The following GPC5 variants were observed in gnomAD, a reference collection of about 807,000 sequenced individuals.
GPC5 encodes the protein glypican 5, also known as glypican-5.
GPC5 carries 47 observed loss-of-function variants against 53.9 expected under a neutral mutation model. That is an observed-to-expected ratio of 0.87 (90% CI 0.69 to 1.11). GPC5 has a LOEUF of 1.11. Ranked by LOEUF, GPC5 falls within the 50% of genes most tolerant of loss-of-function variation. GPC5 has a pLI of 0.00. For missense variants in GPC5, 748 were observed against 713.1 expected, an observed-to-expected ratio of 1.05 and a Z score of -0.56; for synonymous variants, 286 against 263.3, an observed-to-expected ratio of 1.09 and a Z score of -0.84.
At chr13:92,502,230 G>A (rs756688036) in intron 7 of GPC5, among the ~76,000 whole-genome samples, 1 of 152,006 alleles carries the variant, frequency 6.6e-6, no homozygotes, top group African/African-American at 2.4e-5. Flanking sequence ...AGATACAGCT[G>A]AATGTGCAGT....
intron 1 of GPC5, among the ~76,000 whole-genome samples, chr13:91,417,797 G>T (rs1344367578): frequency 2.0e-5 from 3 of 152,148 alleles, no homozygotes; most frequent in Non-Finnish European, 2.9e-5. Context: ...TCATAGGCAT[G>T]TGTACACAAA....
rs575034190 is a variant in GPC5 at position 91,886,047 on chromosome 13, C to T, written c.1281-21890C>T. On this transcript the variant is annotated intron_variant, in intron 5 of 7. Coordinates refer to ENST00000377067, the MANE Select transcript of GPC5 (RefSeq NM_004466.6). ...TACCCCAAACCAGGGTTTGAGATTG[C>T]GTTAGTCTATTTTCATACTGCTATA... 1.7e-3 allele frequency among the ~76,000 whole-genome samples: 262 copies of T among 151,990 alleles called. 2 individuals carry two copies. Among genetic ancestry groups the T allele is most frequent in the African/African-American group, 5.9e-3 (245 of 41,452 alleles).
chr13:92,433,800 AAG>A (rs1381465474), intron 7 of GPC5, among the ~76,000 whole-genome samples: 1 of 152,108 alleles, frequency 6.6e-6, no homozygotes, highest in East Asian at 1.9e-4. Flanking sequence ...AAGTAAGAGA[AAG>A]AAATGGTTTG....
At chr13:92,438,048 A>G (rs1052961129) in intron 7 of GPC5, among the ~76,000 whole-genome samples, 1 of 152,082 alleles carries the variant, frequency 6.6e-6, no homozygotes, top group Non-Finnish European at 1.5e-5. Context: ...CAACATGCTC[A>G]TATCTTCAAC....
intron 2 of GPC5, among the ~76,000 whole-genome samples, chr13:91,597,350 T>G (rs920371083): frequency 2.6e-5 from 4 of 152,210 alleles, no homozygotes; most frequent in Admixed American, 2.6e-4. Context: ...ATTAACTACC[T>G]TTCCAGCATC....
intron 7 of GPC5, among the ~76,000 whole-genome samples, chr13:92,221,195 A>C (rs890212355): frequency 6.6e-6 from 1 of 152,186 alleles, no homozygotes; most frequent in African/African-American, 2.4e-5. Context: ...ACAATTGGGA[A>C]ATAATTAATT....
intron 7 of GPC5, among the ~76,000 whole-genome samples, chr13:92,615,990 C>A (rs941739950): frequency 6.6e-6 from 1 of 152,026 alleles, no homozygotes. Context: ...GGAGGCAGAG[C>A]TGGCAGTGAG....
intron 7 of GPC5, among the ~76,000 whole-genome samples, chr13:92,364,979 T>C (rs902306335): frequency 1.3e-5 from 2 of 151,744 alleles, no homozygotes; most frequent in Non-Finnish European, 2.9e-5. Context: ...CCTTAAACTC[T>C]TTTCCTCTGT....
intron 7 of GPC5, among the ~76,000 whole-genome samples, chr13:92,649,515 C>T (rs1885886583): frequency 6.6e-6 from 1 of 152,064 alleles, no homozygotes; most frequent in Non-Finnish European, 1.5e-5. Flanking sequence ...TGGTATGACA[C>T]TCATTGTTTA....
intron 7 of GPC5, among the ~76,000 whole-genome samples, chr13:92,165,456 G>C (rs150570248): frequency 0.038 from 5,836 of 152,192 alleles, 249 homozygotes; most frequent in African/African-American, 0.098. Flanking sequence ...ACATGGCTGG[G>C]GAGGCCTCAG....
At chr13:92,643,938 A>G (rs1422147234) in intron 7 of GPC5, among the ~76,000 whole-genome samples, 2 of 152,258 alleles carry the variant, frequency 1.3e-5, no homozygotes, top group African/African-American at 4.8e-5. Context: ...AACACTAAGG[A>G]AAATGCTGTG....
chr13:92,328,460 T>G (rs2139232510), intron 7 of GPC5, among the ~76,000 whole-genome samples: 1 of 152,200 alleles, frequency 6.6e-6, no homozygotes, highest in South Asian at 2.1e-4. Flanking sequence ...ACAGGAATAT[T>G]AGGAAAAGTA....
At chr13:92,615,847 G>A (rs1375895889) in intron 7 of GPC5, among the ~76,000 whole-genome samples, 2 of 152,102 alleles carry the variant, frequency 1.3e-5, no homozygotes, top group African/African-American at 4.8e-5. Context: ...GAGGTCAGGA[G>A]ATCGAGACCA....
intron 7 of GPC5, among the ~76,000 whole-genome samples, chr13:92,695,229 A>G (rs1297113388): frequency 2.6e-5 from 4 of 152,160 alleles, no homozygotes; most frequent in African/African-American, 9.7e-5. Context: ...TCTTCTTTTG[A>G]TAACTGTTTG....
At chr13:91,749,528 T>C (rs544545877) in intron 4 of GPC5, among the ~76,000 whole-genome samples, 1 of 152,346 alleles carries the variant, frequency 6.6e-6, no homozygotes, top group Non-Finnish European at 1.5e-5. Flanking sequence ...TATTTTCCTT[T>C]GGGTAAATAC....
chr13:91,903,031 C>CT (rs3029748), intron 5 of GPC5, among the ~76,000 whole-genome samples: 28,610 of 148,034 alleles, frequency 0.19, 4,747 homozygotes, highest in African/African-American at 0.46. Context: ...CAGCTCAGTA[C>CT]TTTTTTTTTT....
chr13:91,832,300 C>CTTTTTTTTT (rs55698516), intron 5 of GPC5, among the ~76,000 whole-genome samples: 4 of 122,988 alleles, frequency 3.3e-5, no homozygotes, highest in Non-Finnish European at 6.7e-5. Flanking sequence ...GCTTTTTTCT[C>CTTTTTTTTT]TTTTTTTTTT....
intron 7 of GPC5, among the ~76,000 whole-genome samples, chr13:92,228,658 T>C (rs919854981): frequency 1.3e-5 from 2 of 152,110 alleles, no homozygotes; most frequent in Admixed American, 6.5e-5. Context: ...CTATTAAAGA[T>C]GGAATAAGAT....
chr13:92,324,907 A>T (rs2043240186), intron 7 of GPC5, among the ~76,000 whole-genome samples: 1 of 151,894 alleles, frequency 6.6e-6, no homozygotes, highest in African/African-American at 2.4e-5. Flanking sequence ...TTATCTTGGC[A>T]CCCCCAAAAT....
Sources: allele counts gnomAD v4.1 joint callset (sites outside exome capture counted in the v4.1 genomes callset), GRCh38; gene constraint gnomAD v4.1.1; transcripts MANE v1.5; gene names NCBI Gene and HGNC (gene_info 2026-07-23, HGNC 2026-07-21).